The following GATA4 variants were observed in gnomAD, a reference collection of about 807,000 sequenced individuals.
The protein encoded by GATA4 is GATA binding protein 4.
A neutral mutation model predicts 37.9 loss-of-function variants in GATA4; 7 were observed. The ratio of observed to expected loss-of-function variants is 0.18; its 90% CI spans 0.11 to 0.35. The LOEUF is 0.35. Ranked by LOEUF, GATA4 falls within the 10% of genes least tolerant of loss-of-function variation. The probability of loss-of-function intolerance (pLI) is 1.00; values close to 1 mark genes in which losing one functional copy is unlikely to be tolerated. For missense variants in GATA4, 647 were observed against 653.0 expected, an observed-to-expected ratio of 0.99 and a Z score of 0.10; for synonymous variants, 372 against 292.6, an observed-to-expected ratio of 1.27 and a Z score of -2.77.
intron 1 of GATA4, among the ~76,000 whole-genome samples, chr8:11,679,757 G>C (rs1798895442): frequency 6.6e-6 from 1 of 152,218 alleles, no homozygotes; most frequent in Non-Finnish European, 1.5e-5. Context: ...ATTTTTACAG[G>C]GGCGAGGTTG....
chr8:11,755,003 C>G, intron 4 of GATA4, 43 bp from the exon 5 acceptor site: 2 of 1,474,800 alleles, frequency 1.4e-6, no homozygotes, highest in Non-Finnish European at 1.9e-6. Context: ...TAGCAGACTA[C>G]GCAGAAATGG....
chr8:11,709,248 G>A lies in GATA4; in HGVS notation c.616+320G>A, dbSNP rs944494372. 5.3e-5 allele frequency among the ~76,000 whole-genome samples: 8 copies of A among 152,198 alleles called. No homozygotes were observed. The highest frequency in any genetic ancestry group is 8.8e-5 in the Non-Finnish European group (6 of 68,040). ...GCTGTGGGTGACGCGGGAGGACAGC[G>A]GGCTCCCTGGAGAGCCGGGGGCAGC... On this transcript the variant is annotated intron_variant, in intron 2 of 6. Transcript: ENST00000532059. This position sits in a 1 kb window ranked among gnomAD's most constrained non-coding sequence, Gnocchi z 4.3.
chr8:11,703,434 A>C (rs1799754925), upstream of GATA4, among the ~76,000 whole-genome samples: 7 of 151,850 alleles, frequency 4.6e-5, no homozygotes, highest in Admixed American at 4.6e-4. Flanking sequence ...CCCCTCCATG[A>C]AGAAGCTCCC....
intron 2 of GATA4, among the ~76,000 whole-genome samples, chr8:11,729,931 T>C (rs1410400067): frequency 7.3e-6 from 1 of 136,398 alleles, no homozygotes; most frequent in Non-Finnish European, 1.8e-5. Context: ...TTGTCGTTGT[T>C]TCTATTGTTT....
At chr8:11,730,328 C>T (rs1801144409) in intron 2 of GATA4, among the ~76,000 whole-genome samples, 1 of 152,194 alleles carries the variant, frequency 6.6e-6, no homozygotes, top group African/African-American at 2.4e-5. Flanking sequence ...GCTTTCGATT[C>T]TTGTGAAGAT....
At chr8:11,724,738 A>C (rs1012978071) in intron 2 of GATA4, among the ~76,000 whole-genome samples, 9 of 152,040 alleles carry the variant, frequency 5.9e-5, no homozygotes, top group African/African-American at 2.2e-4. Context: ...GTGTGTATCA[A>C]ATGCATTGCC....
chr8:11,746,465 G>A (rs983445288), intron 2 of GATA4, among the ~76,000 whole-genome samples: 4 of 152,178 alleles, frequency 2.6e-5, no homozygotes, highest in African/African-American at 4.8e-5. Context: ...GTCCAAGTGC[G>A]ATTCAGGCTA....
chr8:11,756,369 AGTCCCCTAT>A (rs1379646525), intron 5 of GATA4: 1 of 169,018 alleles, frequency 5.9e-6, no homozygotes, highest in Non-Finnish European at 1.3e-5. Context: ...ACTGCTGACG[AGTCCCCTAT>A]GTCCCCTGGG....
intron 5 of GATA4, chr8:11,756,397 TTTC>T: frequency 1.1e-5 from 2 of 187,064 alleles, no homozygotes; most frequent in East Asian, 1.3e-4. Context: ...GGTAACCTTA[TTTC>T]CTCTCACGTA....
intron 2 of GATA4, among the ~76,000 whole-genome samples, chr8:11,731,126 C>G (rs879301369): frequency 3.9e-5 from 6 of 152,262 alleles, no homozygotes; most frequent in Non-Finnish European, 8.8e-5. Context: ...GCAGCTACCA[C>G]TGCCTCTGAG....
upstream of GATA4, among the ~76,000 whole-genome samples, chr8:11,703,589 A>T (rs1176074223): frequency 6.6e-6 from 1 of 152,256 alleles, no homozygotes; most frequent in Non-Finnish European, 1.5e-5. Context: ...CAGATTGCAT[A>T]AATACATAAA....
At chr8:11,743,559 G>A (rs2130278705) in intron 2 of GATA4, among the ~76,000 whole-genome samples, 1 of 152,348 alleles carries the variant, frequency 6.6e-6, no homozygotes, top group East Asian at 1.9e-4. Flanking sequence ...GGGAGGGAGT[G>A]GAGAGCGGAA....
chr8:11,735,184 T>G (rs1801396741), intron 2 of GATA4, among the ~76,000 whole-genome samples: 1 of 152,132 alleles, frequency 6.6e-6, no homozygotes, highest in Non-Finnish European at 1.5e-5. Flanking sequence ...GGTTTAAGAG[T>G]GTTTGCTATA....
At chr8:11,687,517 T>A (rs1404842377) in intron 1 of GATA4, among the ~76,000 whole-genome samples, 1 of 152,220 alleles carries the variant, frequency 6.6e-6, no homozygotes, top group African/African-American at 2.4e-5. Context: ...ATAATTGTTG[T>A]GGTTTATCAA....
rs549164979 is a variant in GATA4 at position 11,708,396 on chromosome 8, C to T, written c.84C>T (p.His28=). Residue 28 remains histidine (H), a synonymous_variant, in exon 2 of 7, where the codon CAC becomes CAT. Coordinates refer to ENST00000532059, the MANE Select transcript of GATA4 (RefSeq NM_001308093.3). This position sits in a 1 kb window ranked among gnomAD's most constrained non-coding sequence, Gnocchi z 6.7. ...CGGGCGGCCCCGGCGCCTTCATGCA[C>T]GGCGCGGGCGCCGCGTCCTCGCCAG... The part of the protein sequence containing the change: ...YEAGGPGAFM[H]GAGAASSPVY... The T allele has an allele frequency of 1.3e-5, 20 of 1,543,690 alleles. No individual in the cohort carries two copies. The East Asian group carries it at 3.1e-4, about 24-fold the overall frequency.
rs1802601922 is a variant in GATA4 at position 11,756,938 on chromosome 8, C to T, written c.1004C>T (p.Pro335Leu). The T allele has an allele frequency of 1.9e-6, 3 of 1,614,132 alleles. No homozygotes were observed. The highest frequency in any genetic ancestry group is 2.5e-6 in the Non-Finnish European group (3 of 1,180,058). ...TGCTGACTCTGCTTCATTCCAGCTC[C>T]TTCAGGCAGTGAGAGCCTTCCTCCC... is the stretch of plus-strand genomic sequence containing the variant. ...NLNKSKTPAA[P>L]SGSESLPPAS... Residue 335 changes from proline to leucine, a missense_variant, in exon 6 of 7, where the codon CCT (proline) becomes CTT (leucine). Physicochemically the swap from Pro to Leu is moderately conservative, Grantham distance 98. This residue lies in a region of GATA4 where 184 missense variants were observed against 157.1 expected (regional missense o/e 1.17). Transcript: ENST00000532059.
intron 1 of GATA4, among the ~76,000 whole-genome samples, chr8:11,696,334 T>G (rs965410735): frequency 5.9e-5 from 9 of 152,338 alleles, no homozygotes; most frequent in South Asian, 2.1e-4. Flanking sequence ...CCTATTGTTC[T>G]GTCTTCTTCA....
upstream of GATA4, among the ~76,000 whole-genome samples, chr8:11,688,259 C>T (rs1222319324): frequency 6.6e-6 from 1 of 152,178 alleles, no homozygotes; most frequent in African/African-American, 2.4e-5. Context: ...TGCCTGAGGT[C>T]TCCTGAAATA....
intron 2 of GATA4, among the ~76,000 whole-genome samples, chr8:11,732,941 G>C (rs569973629): frequency 6.6e-6 from 1 of 152,030 alleles, no homozygotes; most frequent in Non-Finnish European, 1.5e-5. Flanking sequence ...CTGCCTGTTC[G>C]CCTCCCAAAT....
Sources: gnomAD v4.1 joint callset for allele counts (sites outside exome capture counted in the v4.1 genomes callset) on GRCh38, gnomAD v4.1.1 for gene constraint, gnomAD v4.1.1 regional missense constraint, Gnocchi (gnomAD v3.1) non-coding constraint, MANE v1.5 for transcripts, NCBI Gene and HGNC (gene_info 2026-07-23, HGNC 2026-07-21) for gene names.